The following RBMS1 variants were observed in gnomAD, a reference collection of about 807,000 sequenced individuals.
The protein encoded by RBMS1 is RNA-binding motif, single-stranded-interacting protein 1.
In RBMS1, 17 loss-of-function variants were observed where a neutral mutation model predicts 62.3. The ratio of observed to expected loss-of-function variants is 0.27; its 90% CI spans 0.19 to 0.41. The LOEUF (loss-of-function observed/expected upper bound fraction) is 0.41. Ranked by LOEUF, RBMS1 falls within the 10% of genes least tolerant of loss-of-function variation. RBMS1 has a pLI of 1.00. For synonymous variants in RBMS1, 172 were observed against 170.0 expected (o/e 1.01, Z -0.09); for missense variants, 334 against 504.5 (o/e 0.66, Z 3.24).
intron 9 of RBMS1, chr2:160,282,559 T>G: frequency 3.5e-6 from 1 of 283,728 alleles, no homozygotes; most frequent in Non-Finnish European, 7.1e-6. Flanking sequence ...TTTATATGCT[T>G]CAGTGGTCTT....
chr2:160,338,266 A>T (rs990403018), intron 2 of RBMS1, among the ~76,000 whole-genome samples: 2 of 152,218 alleles, frequency 1.3e-5, no homozygotes, highest in Non-Finnish European at 2.9e-5. Context: ...AATATGAATA[A>T]ATATGTGATG....
chr2:160,479,093 G>T (rs563396215), intron 1 of RBMS1, among the ~76,000 whole-genome samples: 38 of 152,316 alleles, frequency 2.5e-4, no homozygotes, highest in Non-Finnish European at 7.3e-5. Context: ...GGTAGTGATG[G>T]CAGGATAGAG....
In RBMS1 at chr2:160,426,057, C is replaced by T. The variant is rs539441153; in HGVS notation, c.76-58666G>A. On this transcript the variant is annotated intron_variant, in intron 1 of 13. Transcript: ENST00000348849. The stretch of plus-strand genomic sequence containing the variant: ...GGCAGCACCACCTGCTCATTTAAGG[C>T]AAGTTATTAAATTATTTCCATGTCT... Among the ~76,000 whole-genome samples the T allele has an allele frequency of 5.3e-5, 8 of 152,010 alleles. No individual in the cohort carries two copies. The South Asian group carries it at 1.7e-3, about 32-fold the overall frequency.
intron 1 of RBMS1, among the ~76,000 whole-genome samples, chr2:160,468,909 G>A (rs1354426630): frequency 6.6e-6 from 1 of 152,084 alleles, no homozygotes; most frequent in Non-Finnish European, 1.5e-5. Flanking sequence ...CCATGGATAG[G>A]GCTACCTGTG....
chr2:160,327,069 C>T (rs1331054197), intron 2 of RBMS1, among the ~76,000 whole-genome samples: 2 of 152,206 alleles, frequency 1.3e-5, no homozygotes, highest in African/African-American at 4.8e-5. Context: ...AGCCTAGCTG[C>T]CTTACAGCAT....
Position 160,407,368 on chromosome 2 carries a change from C to T in RBMS1, c.76-39977G>A, listed in dbSNP as rs1217164520. On this transcript the variant is annotated intron_variant, in intron 1 of 13. Coordinates refer to ENST00000348849, the MANE Select transcript of RBMS1 (RefSeq NM_016836.4). ...CCTGGGAAACAAGGTCACCGCCCAG[C>T]CGGTCCCTCCGAGGAGGCGCGGAGC... 5 of 985,680 alleles carry T rather than the reference C, an allele frequency of 5.1e-6. No individual in the cohort carries two copies. The South Asian group carries it at 1.9e-4, about 37-fold the overall frequency. 61.1% of individuals were successfully genotyped at this position (985,680 alleles called of 1,614,324 possible). A position where few individuals can be genotyped will look rare whatever the true frequency, so the allele number is the denominator to read the frequency against.
At chr2:160,407,001 C>T (rs747672473) in intron 1 of RBMS1, among the ~76,000 whole-genome samples, 2 of 151,450 alleles carry the variant, frequency 1.3e-5, no homozygotes, top group Non-Finnish European at 2.9e-5. Context: ...GGGGGGCGCG[C>T]GCGAACACAC....
In RBMS1 at chr2:160,313,180, A is replaced by G. The variant is rs762542709; in HGVS notation, c.378T>C (p.Ser126=). 16 of 1,613,512 alleles carry G rather than the reference A, an allele frequency of 9.9e-6. 1 individual carries two copies. The African/African-American group carries it at 1.1e-4, about 11-fold the overall frequency. The change falls in exon 4 of 14, where the codon AGT becomes AGC. Residue 126 remains serine, a synonymous_variant. Transcript: ENST00000348849. The stretch of plus-strand genomic sequence containing the variant: ...CCTTTGCCATTTGAGCTTGAACCCC[A>G]CTGGCCTTCAGGGCAGACACAGCTT... ...AQKAVSALKA[S]GVQAQMAKQQ...
intron 4 of RBMS1, among the ~76,000 whole-genome samples, chr2:160,312,881 A>C (rs1304008931): frequency 6.6e-6 from 1 of 152,088 alleles, no homozygotes; most frequent in African/African-American, 2.4e-5. Flanking sequence ...ACCTGAGAAA[A>C]TATGCTGCTA....
At chr2:160,444,205 A>T (rs1225645366) in intron 1 of RBMS1, among the ~76,000 whole-genome samples, 1 of 152,156 alleles carries the variant, frequency 6.6e-6, no homozygotes, top group African/African-American at 2.4e-5. Context: ...ATATTATAAA[A>T]TACATTGTAT....
intron 1 of RBMS1, among the ~76,000 whole-genome samples, chr2:160,451,807 A>C (rs1268392154): frequency 1.3e-5 from 2 of 151,936 alleles, no homozygotes. Context: ...TGGTGTTTTC[A>C]CCATGTTGGC....
intron 1 of RBMS1, among the ~76,000 whole-genome samples, chr2:160,392,216 G>A (rs1004137066): frequency 2.6e-5 from 4 of 152,082 alleles, no homozygotes; most frequent in Admixed American, 6.5e-5. Context: ...GTCCTTCTGT[G>A]CATCTTCTGG....
intron 1 of RBMS1, among the ~76,000 whole-genome samples, chr2:160,404,073 AATG>A (rs1695569791): frequency 6.6e-6 from 1 of 152,172 alleles, no homozygotes; most frequent in African/African-American, 2.4e-5. Flanking sequence ...GGATTTGCTT[AATG>A]AACACCATAT....
chr2:160,284,888 C>T lies in RBMS1; in HGVS notation c.807-20G>A, dbSNP rs919024882. On this transcript the variant is annotated intron_variant, in intron 8 of 13. Transcript: ENST00000348849. ...TAAAATCTAGAACAAACACAAAAGC[C>T]TTTATTAAGTAATCCTTTAAATAGA... The T allele has an allele frequency of 2.5e-6, 4 of 1,576,560 alleles. No homozygotes were observed. The highest frequency in any genetic ancestry group is 1.4e-5 in the African/African-American group (1 of 73,786).
intron 12 of RBMS1, 26 bp from the exon 13 acceptor site, chr2:160,275,740 G>A (rs1032432386): frequency 3.1e-6 from 5 of 1,613,248 alleles, no homozygotes; most frequent in South Asian, 1.1e-5. Flanking sequence ...CAGAATGGAT[G>A]AGACATGTTA....
At chr2:160,378,204 C>T (rs190025658) in intron 1 of RBMS1, among the ~76,000 whole-genome samples, 43 of 151,840 alleles carry the variant, frequency 2.8e-4, no homozygotes, top group African/African-American at 9.4e-4. Context: ...AAAAAATGCT[C>T]GTGAATGCCA....
intron 1 of RBMS1, among the ~76,000 whole-genome samples, chr2:160,462,872 A>AGGC (rs147555340): frequency 0.2 from 31,169 of 152,062 alleles, 3,867 homozygotes; most frequent in Admixed American, 0.36. Flanking sequence ...CTGGGATTAC[A>AGGC]GGCGTGAGCC....
At chr2:160,464,497 G>C (rs892729986) in intron 1 of RBMS1, among the ~76,000 whole-genome samples, 13 of 152,070 alleles carry the variant, frequency 8.5e-5, no homozygotes, top group African/African-American at 3.1e-4. Flanking sequence ...TGAAATTCAT[G>C]GTGAGAGGTG....
At chr2:160,413,017 G>GA (rs1365035616) in intron 1 of RBMS1, among the ~76,000 whole-genome samples, 12 of 151,860 alleles carry the variant, frequency 7.9e-5, no homozygotes, top group South Asian at 4.2e-4. Context: ...TTGAAAGAAG[G>GA]AAAAAAAATG....
Sources: allele counts gnomAD v4.1 joint callset (sites outside exome capture counted in the v4.1 genomes callset), GRCh38; gene constraint gnomAD v4.1.1; transcripts MANE v1.5; gene names NCBI Gene and HGNC (gene_info 2026-07-23, HGNC 2026-07-21).